Variants in ULK2 observed in about 807,000 individuals in gnomAD.
The protein encoded by ULK2 is serine/threonine-protein kinase ULK2.
A neutral mutation model predicts 127.5 loss-of-function variants in ULK2; 76 were observed. That is an observed-to-expected ratio of 0.60 (90% confidence interval 0.50 to 0.72). The LOEUF (loss-of-function observed/expected upper bound fraction) is 0.72. Among genes scored for constraint, ULK2 ranks in the 30% least tolerant of loss-of-function variants. ULK2 has a pLI of 0.00. For synonymous variants in ULK2, 452 were observed against 461.9 expected, an observed-to-expected ratio of 0.98 and a Z score of 0.28; for missense variants, 1,144 against 1,295.9, an observed-to-expected ratio of 0.88 and a Z score of 1.80.
rs577708935 is a variant in ULK2 at position 19,818,317 on chromosome 17, C to T, written c.925-1397G>A. 1.7e-4 allele frequency among the ~76,000 whole-genome samples: 25 copies of T among 145,212 alleles called. No individual in the cohort carries two copies. In the South Asian group the frequency reaches 4.8e-3, roughly 28 times the overall value. On this transcript the variant is annotated intron_variant, in intron 12 of 26. Transcript: ENST00000395544. Reference sequence around the variant, plus strand: ...CAGCCTGGGCGACAGAGTGAGACTCCGTCTCAAAAAAAAAAAAAAAAAGAG... The same window carrying T: ...CAGCCTGGGCGACAGAGTGAGACTCTGTCTCAAAAAAAAAAAAAAAAAGAG...
intron 20 of ULK2, among the ~76,000 whole-genome samples, chr17:19,791,675 ACT>A (rs970700989): frequency 2.2e-4 from 33 of 151,884 alleles, no homozygotes; most frequent in African/African-American, 7.5e-4. Context: ...ACAGAGCGAA[ACT>A]CTGTCTAAAA....
At chr17:19,780,961 A>G (rs767079726) in intron 24 of ULK2, 25 bp downstream of exon 24, 7 of 1,602,376 alleles carry the variant, frequency 4.4e-6, no homozygotes, top group Non-Finnish European at 5.1e-6. Flanking sequence ...TGACCCCTGG[A>G]GTTACACGCT....
chr17:19,779,028 A>C (rs1597700713), intron 25 of ULK2, among the ~76,000 whole-genome samples: 1 of 152,324 alleles, frequency 6.6e-6, no homozygotes, highest in East Asian at 1.9e-4. Flanking sequence ...TCAACTCAGC[A>C]TACAGTGATG....
intron 14 of ULK2, among the ~76,000 whole-genome samples, chr17:19,809,090 G>A (rs1025639270): frequency 6.6e-6 from 1 of 152,140 alleles, no homozygotes; most frequent in Non-Finnish European, 1.5e-5. Flanking sequence ...TAATTCAGCT[G>A]TAAAAAGGGA....
At chr17:19,814,062 T>G (rs2152389387) in intron 13 of ULK2, among the ~76,000 whole-genome samples, 1 of 152,088 alleles carries the variant, frequency 6.6e-6, no homozygotes, top group East Asian at 1.9e-4. Flanking sequence ...TGACACAAAT[T>G]TAAAAATTCT....
rs1482905796 is a variant in ULK2 at position 19,801,030 on chromosome 17, C to G, written c.1441+747G>C. The stretch of plus-strand genomic sequence containing the variant: ...ACGGTACCAGGAGAAGTGGGAAGAT[C>G]TGTAACAAAGCTGCCACCACATGCC... On this transcript the variant is annotated intron_variant, in intron 16 of 26. Coordinates refer to ENST00000395544, the MANE Select transcript of ULK2 (RefSeq NM_014683.4). Among the ~76,000 whole-genome samples, 6 of 152,116 alleles carry G rather than the reference C, an allele frequency of 3.9e-5. No homozygotes were observed. In the East Asian group the frequency reaches 9.6e-4, roughly 24 times the overall value.
In ULK2 at chr17:19,771,387, T is replaced by C. The variant is rs2086734745; in HGVS notation, c.*4962A>G. On this transcript the variant is annotated 3_prime_UTR_variant, in exon 27 of 27. Coordinates refer to ENST00000395544, the MANE Select transcript of ULK2 (RefSeq NM_014683.4). ...CATAGATGTCTGAAGCCAGACTGCC[T>C]GGTGGGCAAGCTGGAGAAAGCAACT... The C allele has an allele frequency of 6.6e-6, 1 of 152,254 alleles. No individual in the cohort carries two copies. Among genetic ancestry groups the C allele is most frequent in the African/African-American group, 2.4e-5 (1 of 41,460 alleles). The allele number at this position is 152,254 out of a possible 1,614,324, so 9.4% of individuals were successfully genotyped here.
rs1366559752 is a variant in ULK2, at chr17:19,845,316, G to A, written c.531C>T (p.Ser177=). The A allele has an allele frequency of 6.2e-7, 1 of 1,612,330 alleles. No individual in the cohort carries two copies. The highest frequency in any genetic ancestry group is 8.5e-7 in the Non-Finnish European group (1 of 1,179,192). The change falls in exon 7 of 27, where the codon TCC becomes TCT. Residue 177 remains serine, a synonymous_variant. Transcript: ENST00000395544. ...SNMMAATLCG[S]PMYMAPEVIM... is the part of the protein sequence containing the mutation. The stretch of plus-strand genomic sequence containing the variant: ...AACACTCACTCACCATGTACATCGG[G>A]GATCCACACAGTGTTGCAGCCATCA...
chr17:19,831,888 G>A (rs952358331), intron 10 of ULK2, among the ~76,000 whole-genome samples: 1 of 151,910 alleles, frequency 6.6e-6, no homozygotes, highest in Non-Finnish European at 1.5e-5. Flanking sequence ...TATTTTGGGA[G>A]GCCAAGGCAA....
In ULK2 at chr17:19,825,131, C is replaced by T. The variant is rs765880085; in HGVS notation, c.887G>A (p.Cys296Tyr). 2.5e-6 allele frequency: 4 copies of T among 1,614,174 alleles called. No individual in the cohort carries two copies. In the South Asian group the frequency reaches 4.4e-5, roughly 18 times the overall value. The change falls in exon 12 of 27, where the codon TGT becomes TAT. Residue 296 changes from cysteine to tyrosine, a missense_variant. Physicochemically the swap from Cys to Tyr is radical, Grantham distance 194 (BLOSUM62 -2). Transcript: ENST00000395544. ...AAAACGACAAGATGGAGAGCTGCCA[C>T]AGGAGCTTCCAGAGACAGAACCAGA... ...MYSGSVSGSS[C>Y]GSSPSCRFAS...
At chr17:19,792,631 A>T (rs532432180) in intron 20 of ULK2, among the ~76,000 whole-genome samples, 5 of 152,346 alleles carry the variant, frequency 3.3e-5, no homozygotes, top group African/African-American at 1.2e-4. Context: ...TGCAATCTCC[A>T]CCAAAAACCC....
At chr17:19,791,842 T>C (rs1280952736) in intron 20 of ULK2, among the ~76,000 whole-genome samples, 1 of 69,206 alleles carries the variant, frequency 1.4e-5, no homozygotes, top group East Asian at 3.9e-4. Context: ...ACACCCTGTT[T>C]ACAAAAAAAA....
At chr17:19,791,575 C>G (rs545150717) in intron 20 of ULK2, among the ~76,000 whole-genome samples, 12 of 152,252 alleles carry the variant, frequency 7.9e-5, no homozygotes, top group African/African-American at 2.4e-4. Context: ...GTTCCAGCTA[C>G]TCAAGAGGCT....
At chr17:19,843,936 G>C (rs535473492) in intron 7 of ULK2, among the ~76,000 whole-genome samples, 113 of 152,248 alleles carry the variant, frequency 7.4e-4, no homozygotes, top group African/African-American at 2.7e-3. Context: ...GGGATTACAG[G>C]CATGAGCCCC....
intron 3 of ULK2, among the ~76,000 whole-genome samples, chr17:19,856,769 G>T (rs570801726): frequency 2.0e-5 from 3 of 147,758 alleles, no homozygotes; most frequent in African/African-American, 7.5e-5. Context: ...TCAGGAGATC[G>T]AGACCATCCT....
At chr17:19,789,178 T>C (rs557694174) in intron 20 of ULK2, among the ~76,000 whole-genome samples, 2 of 152,316 alleles carry the variant, frequency 1.3e-5, no homozygotes, top group South Asian at 2.1e-4. Context: ...GCAGTTCCAG[T>C]GGTGGTGGCC....
At position 19,773,059 on chromosome 17, in the gene ULK2, G is replaced by GC. The variant is rs2086758505; in HGVS notation, c.*3289dup. The GC allele has an allele frequency of 6.6e-6, 1 of 152,176 alleles. No homozygotes were observed. Among genetic ancestry groups the GC allele is most frequent in the South Asian group, 2.1e-4 (1 of 4,834 alleles). The allele number at this position is 152,176 out of a possible 1,614,324, so 9.4% of individuals were successfully genotyped here. ...GCCTGTAATCCCAGCACTTGGGGAG[G>GC]CTGAGGCTGGTGTTCAAGACCAGCC... On this transcript the variant is annotated 3_prime_UTR_variant, in exon 27 of 27. Transcript: ENST00000395544.
At chr17:19,791,963 A>G (rs565914594) in intron 20 of ULK2, among the ~76,000 whole-genome samples, 1 of 152,170 alleles carries the variant, frequency 6.6e-6, no homozygotes, top group Non-Finnish European at 1.5e-5. Context: ...GTGGAAATTA[A>G]ACAATATGCT....
At chr17:19,810,048 A>G (rs557717459) in intron 14 of ULK2, among the ~76,000 whole-genome samples, 2 of 152,060 alleles carry the variant, frequency 1.3e-5, no homozygotes, top group Non-Finnish European at 2.9e-5. Flanking sequence ...CGGCTAACCC[A>G]GTGAAACCTT....
Sources: gnomAD v4.1 joint callset for allele counts (sites outside exome capture counted in the v4.1 genomes callset) on GRCh38, gnomAD v4.1.1 for gene constraint, MANE v1.5 for transcripts, NCBI Gene and HGNC (gene_info 2026-07-23, HGNC 2026-07-21) for gene names.